The following ADGRL4 variants were observed in gnomAD, a reference collection of about 807,000 sequenced individuals.
ADGRL4 encodes the protein EGF, latrophilin and seven transmembrane domain containing 1.
ADGRL4 carries 90 observed loss-of-function variants against 74.8 expected under a neutral mutation model. The ratio of observed to expected loss-of-function variants is 1.20; its 90% CI spans 1.02 to 1.43. The LOEUF (loss-of-function observed/expected upper bound fraction) is 1.43. Ranked by LOEUF, ADGRL4 falls within the 40% of genes most tolerant of loss-of-function variation. The pLI, the probability that ADGRL4 is intolerant of heterozygous loss-of-function variation, is 0.00. For synonymous variants in ADGRL4, 311 were observed against 279.2 expected (o/e 1.11, Z -1.14); for missense variants, 881 against 814.3 (o/e 1.08, Z -1.00).
intron 2 of ADGRL4, among the ~76,000 whole-genome samples, chr1:78,947,432 AGCTG>A (rs1288054098): frequency 6.6e-6 from 1 of 152,220 alleles, no homozygotes; most frequent in Non-Finnish European, 1.5e-5. Context: ...TGACAAGGAT[AGCTG>A]GCAACCACAA....
rs1570282941 is a variant in ADGRL4, at chr1:79,002,687, A to G, written c.172+2383T>C. 2.6e-5 allele frequency among the ~76,000 whole-genome samples: 4 copies of G among 152,238 alleles called. No homozygotes were observed. In the East Asian group the frequency reaches 7.7e-4, roughly 29 times the overall value. On this transcript the variant is annotated intron_variant, in intron 2 of 14. Transcript: ENST00000370742. ...CTTGAATCCAAGTCGGTTTGATTCC[A>G]CAGCCTGTACTCTTAATCAATATGC...
At chr1:78,994,949 C>T (rs1352556) in intron 2 of ADGRL4, among the ~76,000 whole-genome samples, 2 of 151,958 alleles carry the variant, frequency 1.3e-5, no homozygotes, top group African/African-American at 4.8e-5. Context: ...CATAAACACT[C>T]GTTAAGCAAA....
In ADGRL4 at chr1:78,917,951, C is replaced by T. The variant is rs767287784; in HGVS notation, c.1561G>A (p.Gly521Ser). ...EGIHLYLIVV[G>S]VIYNKGFLHK... ...AAAAATCCCTTGTTGTAGATGACAC[C>T]CACAACAATGAGATAGAGATGTATG... The change falls in exon 11 of 15, where the codon GGT (glycine) becomes AGT (serine). Residue 521 changes from glycine to serine, a missense_variant. Gly to Ser is a moderately conservative substitution (Grantham distance 56). Transcript: ENST00000370742. The T allele has an allele frequency of 2.8e-5, 45 of 1,612,318 alleles. No homozygotes were observed. The highest frequency in any genetic ancestry group is 3.6e-5 in the Non-Finnish European group (42 of 1,179,054).
chr1:79,005,319 T>C, intron 1 of ADGRL4, 100 bp from the exon 2 acceptor site: 2 of 946,100 alleles, frequency 2.1e-6, no homozygotes, highest in Non-Finnish European at 2.9e-6. Context: ...CCTCTCTTTC[T>C]ATTTAGATAA....
At chr1:78,992,075 AT>A (rs1016211341) in intron 2 of ADGRL4, among the ~76,000 whole-genome samples, 1 of 152,046 alleles carries the variant, frequency 6.6e-6, no homozygotes, top group African/African-American at 2.4e-5. Context: ...CCCTGATAGC[AT>A]TTTCACAAAT....
chr1:78,939,871 T>TA (rs1324607488), intron 3 of ADGRL4: 2 of 152,594 alleles, frequency 1.3e-5, no homozygotes, highest in East Asian at 3.8e-4. Context: ...TAGTGTTACT[T>TA]ATGATTAGCA....
At chr1:78,977,098 TAA>T (rs1650301414) in intron 2 of ADGRL4, among the ~76,000 whole-genome samples, 1 of 151,582 alleles carries the variant, frequency 6.6e-6, no homozygotes, top group Non-Finnish European at 1.5e-5. Context: ...GGTGTTAGCA[TAA>T]AAGTTAAATT....
At chr1:78,986,147 C>G (rs533992548) in intron 2 of ADGRL4, among the ~76,000 whole-genome samples, 1 of 151,728 alleles carries the variant, frequency 6.6e-6, no homozygotes, top group African/African-American at 2.4e-5. Context: ...TATAACAAAC[C>G]TGCACATGAA....
At chr1:78,944,007 A>G (rs893181712) in intron 3 of ADGRL4, among the ~76,000 whole-genome samples, 1 of 152,200 alleles carries the variant, frequency 6.6e-6, no homozygotes, top group African/African-American at 2.4e-5. Context: ...TTGAGTATCA[A>G]GAGAAAGAGT....
At chr1:78,916,703 A>G (rs1033759351) in intron 12 of ADGRL4, among the ~76,000 whole-genome samples, 1 of 151,850 alleles carries the variant, frequency 6.6e-6, no homozygotes, top group Non-Finnish European at 1.5e-5. Flanking sequence ...CACAACCATA[A>G]AAAACTCAAA....
chr1:78,936,195 G>A, intron 7 of ADGRL4, 100 bp downstream of exon 7: 1 of 1,222,504 alleles, frequency 8.2e-7, no homozygotes, highest in Non-Finnish European at 1.1e-6. Context: ...GTTTTTATAG[G>A]AAACCACATG....
intron 10 of ADGRL4, among the ~76,000 whole-genome samples, chr1:78,919,730 T>A (rs1050490106): frequency 2.6e-5 from 4 of 151,886 alleles, no homozygotes; most frequent in African/African-American, 9.7e-5. Context: ...GTTCAAATGG[T>A]TCAAAATCAA....
At chr1:78,933,463 A>C (rs1467161644) in intron 7 of ADGRL4, among the ~76,000 whole-genome samples, 1 of 151,496 alleles carries the variant, frequency 6.6e-6, no homozygotes, top group African/African-American at 2.5e-5. Flanking sequence ...ACAAACCCAC[A>C]GCCAATATCA....
At chr1:78,977,913 C>T (rs2100723378) in intron 2 of ADGRL4, among the ~76,000 whole-genome samples, 1 of 151,834 alleles carries the variant, frequency 6.6e-6, no homozygotes, top group Admixed American at 6.6e-5. Flanking sequence ...GAGTATAGGC[C>T]AGTAGACCAG....
intron 2 of ADGRL4, among the ~76,000 whole-genome samples, chr1:78,978,038 G>C (rs1011321252): frequency 6.6e-6 from 1 of 151,764 alleles, no homozygotes; most frequent in Non-Finnish European, 1.5e-5. Flanking sequence ...ATATCCACAG[G>C]CATTCCCCAC....
At chr1:78,968,295 CCTT>C (rs1650096414) in intron 2 of ADGRL4, among the ~76,000 whole-genome samples, 2 of 151,964 alleles carry the variant, frequency 1.3e-5, no homozygotes, top group Non-Finnish European at 2.9e-5. Flanking sequence ...TAGAAACAAA[CCTT>C]CTTGGAAGGC....
chr1:78,916,056 A>C (rs1648866130), intron 12 of ADGRL4, among the ~76,000 whole-genome samples: 1 of 151,856 alleles, frequency 6.6e-6, no homozygotes, highest in Non-Finnish European at 1.5e-5. Context: ...CCAGACTAGA[A>C]CAATGTGACA....
chr1:78,939,169 T>A lies in ADGRL4; in HGVS notation c.396+19A>T. On this transcript the variant is annotated intron_variant, in intron 4 of 14. Transcript: ENST00000370742. ...ACCAAAATGTCAAAATAAAATAAATTGTTAACTGTTCTACTTACTTTTGTT... is the reference window on the plus strand; with the variant it reads ...ACCAAAATGTCAAAATAAAATAAATAGTTAACTGTTCTACTTACTTTTGTT... 1 of 1,542,220 alleles carries A rather than the reference T, an allele frequency of 6.5e-7. No individual in the cohort carries two copies. Among genetic ancestry groups the A allele is most frequent in the South Asian group, 1.2e-5 (1 of 80,578 alleles).
rs541091913 is a variant in ADGRL4 at position 78,946,276 on chromosome 1, A to G, written c.323T>C (p.Ile108Thr). 66 of 1,610,156 alleles carry G rather than the reference A, an allele frequency of 4.1e-5. No homozygotes were observed. The South Asian group carries it at 6.2e-4, about 15-fold the overall frequency. ...CTAACTTAGATAACCGAACTTACCT[A>G]TACAGACGGTTCCATCATTAGTGAT... ...RFITNDGTVC[I>T]ENVNANCHLD... Residue 108 changes from isoleucine (I) to threonine (T), a missense_variant and splice_region_variant, in exon 3 of 15, where the codon ATA (isoleucine) becomes ACA (threonine). Transcript: ENST00000370742.
Sources: gnomAD v4.1 joint callset for allele counts (sites outside exome capture counted in the v4.1 genomes callset) on GRCh38, gnomAD v4.1.1 for gene constraint, MANE v1.5 for transcripts, NCBI Gene and HGNC (gene_info 2026-07-23, HGNC 2026-07-21) for gene names.